The following ZZEF1 variants were observed in gnomAD, a reference collection of about 807,000 sequenced individuals.
ZZEF1 encodes the protein zinc finger ZZ-type and EF-hand domain-containing protein 1.
A neutral mutation model predicts 342.8 loss-of-function variants in ZZEF1; 157 were observed. The ratio of observed to expected loss-of-function variants is 0.46; its 90% CI spans 0.40 to 0.52. The LOEUF (loss-of-function observed/expected upper bound fraction) is 0.52, where lower values mean the gene tolerates loss of function less well. ZZEF1 is among the 20% of genes least tolerant of loss of function. ZZEF1 has a pLI of 0.00. For missense variants in ZZEF1, 3,480 were observed against 3,725.6 expected, an observed-to-expected ratio of 0.93 and a Z score of 1.72; for synonymous variants, 1,505 against 1,429.1, an observed-to-expected ratio of 1.05 and a Z score of -1.20.
chr17:4,006,038 T>C lies in ZZEF1; in HGVS notation c.*852A>G, dbSNP rs2055792904. 6.6e-6 allele frequency: 1 copy of C among 152,266 alleles called. No individual in the cohort carries two copies. The highest frequency in any genetic ancestry group is 6.5e-5 in the Admixed American group (1 of 15,292). 9.4% of individuals were successfully genotyped at this position (152,266 alleles called of 1,614,324 possible). ...GCAGAAATAAAATTATGTGGGTTTT[T>C]ACTCTTAAAATAAGATATCCTCTGA... On this transcript the variant is annotated 3_prime_UTR_variant, in exon 55 of 55. Coordinates refer to ENST00000381638, the MANE Select transcript of ZZEF1 (RefSeq NM_015113.4).
At chr17:4,062,339 T>C (rs1307602029) in intron 30 of ZZEF1, among the ~76,000 whole-genome samples, 1 of 151,546 alleles carries the variant, frequency 6.6e-6, no homozygotes, top group Non-Finnish European at 1.5e-5. Context: ...CTGCCTTGTC[T>C]ACTGCTGCAT....
At chr17:4,100,271 A>T (rs566921251) in intron 9 of ZZEF1, among the ~76,000 whole-genome samples, 1 of 152,320 alleles carries the variant, frequency 6.6e-6, no homozygotes, top group African/African-American at 2.4e-5. Context: ...TTTGCAGTGC[A>T]GCAAGAGAGA....
intron 52 of ZZEF1, 61 bp from the exon 53 acceptor site, chr17:4,009,818 T>G: frequency 6.4e-7 from 1 of 1,569,810 alleles, no homozygotes; most frequent in Non-Finnish European, 8.7e-7. Context: ...TCACATGGCT[T>G]ACAGCTGGCA....
intron 3 of ZZEF1, among the ~76,000 whole-genome samples, chr17:4,114,867 T>C (rs1359668706): frequency 6.6e-6 from 1 of 152,246 alleles, no homozygotes; most frequent in Admixed American, 6.5e-5. Flanking sequence ...TGAGTGACAC[T>C]TTTTAAGCTG....
At chr17:4,051,882 A>C (rs1439733141) in intron 35 of ZZEF1, 89 bp downstream of exon 35, 5 of 1,395,448 alleles carry the variant, frequency 3.6e-6, no homozygotes, top group Non-Finnish European at 4.8e-6. Context: ...TAAATAAAAA[A>C]AACTTTTTTA....
At chr17:4,072,912 A>G in intron 24 of ZZEF1, 156 bp from the exon 25 acceptor site, 1 of 704,422 alleles carries the variant, frequency 1.4e-6, no homozygotes, top group Non-Finnish European at 2.2e-6. Context: ...ATACTTTGTA[A>G]ACACATACCA....
intron 1 of ZZEF1, among the ~76,000 whole-genome samples, chr17:4,141,494 T>C (rs1279733176): frequency 1.3e-5 from 2 of 151,920 alleles, no homozygotes; most frequent in Non-Finnish European, 2.9e-5. Flanking sequence ...TTAAAAGAAA[T>C]AGGATCCCAG....
chr17:4,076,999 C>G lies in ZZEF1; in HGVS notation c.2990-10G>C, dbSNP rs2057635557. 6.2e-7 allele frequency: 1 copy of G among 1,607,346 alleles called. No homozygotes were observed. The highest frequency in any genetic ancestry group is 8.5e-7 in the Non-Finnish European group (1 of 1,177,398). On this transcript the variant is annotated splice_polypyrimidine_tract_variant and intron_variant, in intron 19 of 54. Coordinates refer to ENST00000381638, the MANE Select transcript of ZZEF1 (RefSeq NM_015113.4). ...AGAAACTGGCCCACATCTACCGAAA[C>G]AAAGAAAATAATTAATATATTATAT...
chr17:4,028,460 A>G (rs2056465349), intron 42 of ZZEF1, among the ~76,000 whole-genome samples: 1 of 151,652 alleles, frequency 6.6e-6, no homozygotes, highest in Admixed American at 6.6e-5. Flanking sequence ...AGGCAGGAGA[A>G]CTGCTTGAAC....
chr17:4,014,097 G>A lies in ZZEF1; in HGVS notation c.8406C>T (p.Phe2802=), dbSNP rs1597754230. The A allele has an allele frequency of 6.2e-7, 1 of 1,614,102 alleles. No homozygotes were observed. The highest frequency in any genetic ancestry group is 2.2e-5 in the East Asian group (1 of 44,886). Reference sequence around the variant, plus strand: ...AAAGCCCAGAGCACACACCTGTCTGGAACCGCCCCAGGTGTCCGGCCGTCA... The same window carrying A: ...AAAGCCCAGAGCACACACCTGTCTGAAACCGCCCCAGGTGTCCGGCCGTCA... The part of the protein sequence containing the change: ...FTVTAGHLGR[F]QTGFEILKQM... The change falls in exon 51 of 55, where the codon TTC becomes TTT. Residue 2802 remains phenylalanine, a synonymous_variant. Coordinates refer to ENST00000381638, the MANE Select transcript of ZZEF1 (RefSeq NM_015113.4). The surrounding 1 kb of genome is among the most constrained non-coding windows in gnomAD (Gnocchi z 4.4).
rs763859945 is a variant in ZZEF1 at position 4,078,002 on chromosome 17, C to T, written c.2870G>A (p.Gly957Asp). 18 of 1,614,004 alleles carry T rather than the reference C, an allele frequency of 1.1e-5. No homozygotes were observed. Among genetic ancestry groups the T allele is most frequent in the Non-Finnish European group, 1.5e-5 (18 of 1,180,016 alleles). The change falls in exon 19 of 55, where the codon GGC becomes GAC. Residue 957 changes from glycine (G) to aspartate (D), a missense_variant. Around this residue, in one of 5 missense-constraint regions of ZZEF1, gnomAD observed 1,528 missense variants for 1,624.1 expected, o/e 0.94. Transcript: ENST00000381638. Reference sequence around the variant, plus strand: ...CCAGAACAGGGAGAAGAGCACAGAGCCCACCTCCCCTGGGGCCCCACTGAG... The same window carrying T: ...CCAGAACAGGGAGAAGAGCACAGAGTCCACCTCCCCTGGGGCCCCACTGAG... Reference protein sequence around the residue: ...LMLSGAPGEVGSVLFSLFWSV... With the variant: ...LMLSGAPGEVDSVLFSLFWSV...
chr17:4,070,981 T>A (rs1232069544), intron 25 of ZZEF1, 57 bp from the exon 26 acceptor site: 4 of 1,576,968 alleles, frequency 2.5e-6, no homozygotes, highest in Non-Finnish European at 2.6e-6. Flanking sequence ...AAATAAAATT[T>A]ATTGAGCAAA....
At chr17:4,030,090 G>A (rs1365726453) in intron 42 of ZZEF1, among the ~76,000 whole-genome samples, 1 of 148,226 alleles carries the variant, frequency 6.7e-6, no homozygotes, top group African/African-American at 2.5e-5. Flanking sequence ...TAAACACAAA[G>A]CCAGAAGAAA....
chr17:4,031,648 G>GAT, intron 42 of ZZEF1, among the ~76,000 whole-genome samples: 1 of 152,334 alleles, frequency 6.6e-6, no homozygotes, highest in South Asian at 2.1e-4. Context: ...GTAATGGGTA[G>GAT]ATACTCCAGA....
At chr17:4,011,852 A>C (rs2055966848) in intron 52 of ZZEF1, among the ~76,000 whole-genome samples, 1 of 152,236 alleles carries the variant, frequency 6.6e-6, no homozygotes, top group Non-Finnish European at 1.5e-5. Flanking sequence ...TTTTCAGAGA[A>C]GCATGAGCAT....
Position 4,066,588 on chromosome 17 carries a change from C to T in ZZEF1, c.4156-48G>A, listed in dbSNP as rs535105227. ...TCATTATGCTGTCCAGGCAGGGAAG[C>T]AAGGACAGCCATGGCAAACTACTTC... is the stretch of plus-strand genomic sequence containing the variant. On this transcript the variant is annotated intron_variant, in intron 27 of 54. Coordinates refer to ENST00000381638, the MANE Select transcript of ZZEF1 (RefSeq NM_015113.4). The T allele has an allele frequency of 1.9e-5, 30 of 1,557,648 alleles. No individual in the cohort carries two copies. In the East Asian group the frequency reaches 6.5e-4, roughly 34 times the overall value.
intron 12 of ZZEF1, 65 bp downstream of exon 12, chr17:4,090,654 C>T: frequency 1.5e-6 from 2 of 1,330,530 alleles, no homozygotes; most frequent in Non-Finnish European, 2.2e-6. Flanking sequence ...GGCTGATACA[C>T]AATCACTACT....
chr17:4,042,500 G>C lies in ZZEF1; in HGVS notation c.6235C>G (p.Gln2079Glu), dbSNP rs988478797. 8.1e-6 allele frequency: 13 copies of C among 1,613,964 alleles called. No homozygotes were observed. The highest frequency in any genetic ancestry group is 1.1e-5 in the Non-Finnish European group (13 of 1,180,010). Residue 2079 changes from glutamine to glutamate, a missense_variant, in exon 39 of 55, where the codon CAA becomes GAA. Around this residue, in one of 5 missense-constraint regions of ZZEF1, gnomAD observed 1,269 missense variants for 1,342.4 expected, o/e 0.95. Transcript: ENST00000381638. ...EEKAVTPSPE[Q>E]VFAECSQKRI... is the part of the protein sequence containing the mutation. ...TTCTGGGAACACTCAGCAAACACTT[G>C]CTCAGGGCTTGGAGTAACTGCTTTT...
rs1401653000 is a variant in ZZEF1, at chr17:4,005,104, T to A, written c.*1786A>T. On this transcript the variant is annotated 3_prime_UTR_variant, in exon 55 of 55. Transcript: ENST00000381638. ...TCTCGTCTACCTTCCAGGTTGGCTG[T>A]GAGTCTGAGCACGCAGCGGGGCCTC... The A allele has an allele frequency of 6.6e-6, 1 of 152,370 alleles. No homozygotes were observed. Among genetic ancestry groups the A allele is most frequent in the Admixed American group, 6.5e-5 (1 of 15,292 alleles). 9.4% of individuals were successfully genotyped at this position (152,370 alleles called of 1,614,324 possible).
Sources: allele counts gnomAD v4.1 joint callset (sites outside exome capture counted in the v4.1 genomes callset), GRCh38; gene constraint gnomAD v4.1.1; regional missense constraint gnomAD v4.1.1; non-coding constraint Gnocchi (gnomAD v3.1); transcripts MANE v1.5; gene names NCBI Gene and HGNC (gene_info 2026-07-23, HGNC 2026-07-21).